BAIAP2L1: variants seen among roughly 807,000 people sequenced by gnomAD.
The protein encoded by BAIAP2L1 is BAR/IMD domain containing adaptor protein 2 like 1, also known as BAR/IMD domain-containing adapter protein 2-like 1.
A neutral mutation model predicts 66.3 loss-of-function variants in BAIAP2L1; 35 were observed. The observed-to-expected ratio is 0.53, with a 90% confidence interval of 0.40 to 0.70. The LOEUF is 0.70. BAIAP2L1 is among the 30% of genes least tolerant of loss of function. The pLI, the probability that BAIAP2L1 is intolerant of heterozygous loss-of-function variation, is 0.00. For missense variants in BAIAP2L1, 622 were observed against 656.9 expected, an observed-to-expected ratio of 0.95 and a Z score of 0.58; for synonymous variants, 269 against 248.7, an observed-to-expected ratio of 1.08 and a Z score of -0.77.
chr7:98,362,229 G>C (rs892930741), intron 2 of BAIAP2L1, 128 bp downstream of exon 2: 2 of 699,844 alleles, frequency 2.9e-6, no homozygotes, highest in Non-Finnish European at 4.7e-6. Flanking sequence ...AAGTTCTGTA[G>C]ATTAAATTCA....
At chr7:98,324,193 C>T (rs892597421) in intron 3 of BAIAP2L1, among the ~76,000 whole-genome samples, 4 of 152,178 alleles carry the variant, frequency 2.6e-5, no homozygotes, top group African/African-American at 7.2e-5. Flanking sequence ...AGAAACTCAG[C>T]GCCGTCATTA....
In BAIAP2L1 at chr7:98,400,904, G is replaced by T; in HGVS notation, c.-52C>A. 1 of 1,487,592 alleles carries T rather than the reference G, an allele frequency of 6.7e-7. No homozygotes were observed. The highest frequency in any genetic ancestry group is 8.9e-7 in the Non-Finnish European group (1 of 1,119,176). The allele number at this position is 1,487,592 out of a possible 1,614,324, so 92.1% of individuals were successfully genotyped here. A position where few individuals can be genotyped will look rare whatever the true frequency, so the allele number is the denominator to read the frequency against. ...CGGGAGGACGCGGCTGGGCCTCGTG[G>T]CCGCCGGACTCCGGGCAGCGGGAGG... is the stretch of plus-strand genomic sequence containing the variant. On this transcript the variant is annotated 5_prime_UTR_variant, in exon 1 of 14. Transcript: ENST00000005260.
intron 12 of BAIAP2L1, among the ~76,000 whole-genome samples, chr7:98,295,483 T>G (rs570582595): frequency 1.3e-5 from 2 of 152,308 alleles, no homozygotes; most frequent in South Asian, 4.1e-4. Context: ...TGGTGTGAGG[T>G]GCATGCTCTG....
At chr7:98,366,281 T>C (rs1189248731) in intron 1 of BAIAP2L1, among the ~76,000 whole-genome samples, 2 of 152,122 alleles carry the variant, frequency 1.3e-5, no homozygotes, top group East Asian at 3.9e-4. Context: ...CTAGAGCACC[T>C]CAGATTATCC....
intron 12 of BAIAP2L1, among the ~76,000 whole-genome samples, chr7:98,294,656 C>T (rs1584409494): frequency 1.3e-5 from 2 of 152,236 alleles, no homozygotes; most frequent in East Asian, 3.8e-4. Flanking sequence ...AGGTCCTCAG[C>T]CACGGTCTTT....
intron 3 of BAIAP2L1, among the ~76,000 whole-genome samples, chr7:98,332,535 C>G (rs967380192): frequency 6.6e-6 from 1 of 151,480 alleles, no homozygotes; most frequent in African/African-American, 2.4e-5. Flanking sequence ...ACAGGCCTGG[C>G]GCAGTGGCTC....
chr7:98,313,844 G>A (rs1301904491), intron 7 of BAIAP2L1, among the ~76,000 whole-genome samples: 1 of 150,326 alleles, frequency 6.7e-6, no homozygotes, highest in African/African-American at 2.5e-5. Context: ...TGCCCAGGCT[G>A]GTCTGGAACT....
chr7:98,310,261 C>G (rs923835805), intron 9 of BAIAP2L1, 184 bp downstream of exon 9: 1 of 570,948 alleles, frequency 1.8e-6, no homozygotes, highest in African/African-American at 2.0e-5. Flanking sequence ...ATCAGAGCGT[C>G]TCACAGTCTA....
Position 98,306,509 on chromosome 7 carries a change from A to G in BAIAP2L1, c.1171T>C (p.Trp391Arg), listed in dbSNP as rs1460117376. 1.9e-6 allele frequency: 3 copies of G among 1,614,128 alleles called. No individual in the cohort carries two copies. In the East Asian group the frequency reaches 6.7e-5, roughly 36 times the overall value. Reference protein sequence around the residue: ...GEHDVSKARGWFPSSYTKLLE... With the variant: ...GEHDVSKARGRFPSSYTKLLE... ...AACTTCGTGTACGACGACGGGAACC[A>G]ACCCCTCCTACCGGCAAAGAGGGAG... The change falls in exon 11 of 14, where the codon TGG becomes CGG. Residue 391 changes from tryptophan (W) to arginine (R), a missense_variant. Physicochemically the swap from Trp to Arg is moderately radical, Grantham distance 101. Coordinates refer to ENST00000005260, the MANE Select transcript of BAIAP2L1 (RefSeq NM_018842.5).
rs1202293122 is a variant in BAIAP2L1 at position 98,361,822 on chromosome 7, G to A, written c.127+535C>T. 2.0e-5 allele frequency among the ~76,000 whole-genome samples: 3 copies of A among 151,976 alleles called. No individual in the cohort carries two copies. The East Asian group carries it at 5.8e-4, about 29-fold the overall frequency. ...ACTATCACAGCTCATTACAGCCTCA[G>A]CCTCCCAGGCACAAGCGATCATCCC... On this transcript the variant is annotated intron_variant, in intron 2 of 13. Coordinates refer to ENST00000005260, the MANE Select transcript of BAIAP2L1 (RefSeq NM_018842.5).
intron 3 of BAIAP2L1, among the ~76,000 whole-genome samples, chr7:98,353,969 TAAAATAAAATAA>T (rs1802063750): frequency 9.3e-5 from 1 of 10,752 alleles, no homozygotes; most frequent in African/African-American, 1.6e-4. Context: ...CTCAATAAAA[TAAAATAAAATAA>T]AATAAAATAA....
intron 2 of BAIAP2L1, among the ~76,000 whole-genome samples, chr7:98,357,051 T>TATA (rs1562782964): frequency 6.9e-4 from 7 of 10,186 alleles, no homozygotes; most frequent in African/African-American, 1.4e-3. Context: ...ATATATATAT[T>TATA]TTTTTTTTTT....
Position 98,299,715 on chromosome 7 carries a change from A to G in BAIAP2L1, c.1422+4481T>C, listed in dbSNP as rs1800340988. On this transcript the variant is annotated intron_variant, in intron 12 of 13. Transcript: ENST00000005260. ...TTGTATGATCTATTCCTAACTGTCC[A>G]ATGTGGCAACCACTAGCTGTATATG... Among the ~76,000 whole-genome samples, 3 of 152,168 alleles carry G rather than the reference A, an allele frequency of 2.0e-5. No individual in the cohort carries two copies. The South Asian group carries it at 6.2e-4, about 32-fold the overall frequency.
chr7:98,317,538 C>T (rs1378546523), intron 5 of BAIAP2L1, among the ~76,000 whole-genome samples, 182 bp from the exon 6 acceptor site: 4 of 150,312 alleles, frequency 2.7e-5, no homozygotes, highest in Non-Finnish European at 4.4e-5. Context: ...TCCTGCTGGC[C>T]GGGGTCCCAT....
intron 2 of BAIAP2L1, among the ~76,000 whole-genome samples, chr7:98,357,047 ATATTTTTT>A (rs1334718616): frequency 3.6e-4 from 6 of 16,484 alleles, no homozygotes; most frequent in Admixed American, 1.8e-3. Flanking sequence ...ATATATATAT[ATATTTTTT>A]TTTTTTTTTT....
At chr7:98,297,340 AGTT>A (rs1800235319) in intron 12 of BAIAP2L1, among the ~76,000 whole-genome samples, 1 of 152,176 alleles carries the variant, frequency 6.6e-6, no homozygotes, top group African/African-American at 2.4e-5. Flanking sequence ...TTGGGGGACT[AGTT>A]GACCTGGCTT....
At position 98,378,955 on chromosome 7, in the gene BAIAP2L1, G is replaced by A. The variant is rs189945630; in HGVS notation, c.52-16523C>T. On this transcript the variant is annotated intron_variant, in intron 1 of 13. Transcript: ENST00000005260. ...AGCAATTCTGCTGCCTCAGCTTCCC[G>A]AGTAGCTGGGACTACAGGCGTCTGC... 3.4e-3 allele frequency among the ~76,000 whole-genome samples: 510 copies of A among 151,934 alleles called. 5 individuals are homozygous for A. The highest frequency in any genetic ancestry group is 3.9e-3 in the Non-Finnish European group (264 of 67,914).
At chr7:98,308,670 A>G (rs557978264) in intron 9 of BAIAP2L1, 2 of 230,922 alleles carry the variant, frequency 8.7e-6, no homozygotes, top group South Asian at 1.3e-4. Context: ...AGAAAAAAAT[A>G]TATATATATG....
At chr7:98,378,579 T>A (rs1398502085) in intron 1 of BAIAP2L1, among the ~76,000 whole-genome samples, 1 of 152,228 alleles carries the variant, frequency 6.6e-6, no homozygotes, top group African/African-American at 2.4e-5. Context: ...TCATACTGTA[T>A]AAGATATTCC....
Sources: allele counts gnomAD v4.1 joint callset (sites outside exome capture counted in the v4.1 genomes callset), GRCh38; gene constraint gnomAD v4.1.1; transcripts MANE v1.5; gene names NCBI Gene and HGNC (gene_info 2026-07-23, HGNC 2026-07-21).